Variants in SOX30 observed in about 807,000 individuals in gnomAD.
SOX30 encodes the protein SRY-box transcription factor 30, also known as transcription factor SOX-30.
A neutral mutation model predicts 58.6 loss-of-function variants in SOX30; 17 were observed. The ratio of observed to expected loss-of-function variants is 0.29; its 90% CI spans 0.20 to 0.44. The LOEUF (loss-of-function observed/expected upper bound fraction) is 0.44, where lower values mean the gene tolerates loss of function less well. SOX30 is among the 20% of genes least tolerant of loss of function. The pLI is 1.00. For synonymous variants in SOX30, 421 were observed against 400.2 expected (o/e 1.05, Z -0.62); for missense variants, 951 against 965.8 (o/e 0.98, Z 0.20).
At position 157,640,244 on chromosome 5, in the gene SOX30, G is replaced by A. The variant is rs1483397911; in HGVS notation, c.1388-1522C>T. On this transcript the variant is annotated intron_variant, in intron 3 of 4. Transcript: ENST00000265007. The stretch of plus-strand genomic sequence containing the variant: ...GAGCAGGAACTCTCAATTTCTATTC[G>A]TATCCCAGTATCTAGCCAGAACCTG... Among the ~76,000 whole-genome samples the A allele has an allele frequency of 3.3e-5, 5 of 152,106 alleles. 1 individual carries two copies. Among genetic ancestry groups the A allele is most frequent in the African/African-American group, 7.2e-5 (3 of 41,402 alleles).
intron 2 of SOX30, among the ~76,000 whole-genome samples, chr5:157,662,007 T>C (rs914646711): frequency 1.3e-5 from 2 of 152,186 alleles, no homozygotes; most frequent in African/African-American, 2.4e-5. Flanking sequence ...TCTAAAATAA[T>C]TTAATTAAAC....
At chr5:157,647,169 C>T (rs1010214528) in intron 2 of SOX30, among the ~76,000 whole-genome samples, 15 of 151,272 alleles carry the variant, frequency 9.9e-5, no homozygotes, top group African/African-American at 3.7e-4. Context: ...TCATGTGATT[C>T]TCCTGCCTCA....
chr5:157,651,372 A>T lies in SOX30; in HGVS notation c.707T>A (p.Val236Asp). The T allele has an allele frequency of 6.2e-7, 1 of 1,613,636 alleles. No individual in the cohort carries two copies. Among genetic ancestry groups the T allele is most frequent in the Non-Finnish European group, 8.5e-7 (1 of 1,180,028 alleles). The change falls in exon 1 of 5, where the codon GTT (valine) becomes GAT (aspartate). Residue 236 changes from valine (V) to aspartate (D), a missense_variant. Val to Asp is a radical substitution (Grantham distance 152, BLOSUM62 -3). Around this residue, in one of 7 missense-constraint regions of SOX30, gnomAD observed 84 missense variants for 68.2 expected, o/e 1.23. Coordinates refer to ENST00000265007, the MANE Select transcript of SOX30 (RefSeq NM_178424.2). ...LGAEPASNGL[V>D]HGSAEVILAP... The stretch of plus-strand genomic sequence containing the variant: ...CAAGATGACCTCCGCGCTGCCATGA[A>T]CCAGGCCATTGGACGCGGGCTCCGC...
upstream of SOX30, among the ~76,000 whole-genome samples, chr5:157,654,080 C>T (rs181761539): frequency 8.6e-3 from 1,302 of 151,592 alleles, 13 homozygotes; most frequent in African/African-American, 0.029. Context: ...GCAGGAGAAT[C>T]GCTTGAACCT....
chr5:157,646,415 G>A (rs1193421911), intron 3 of SOX30, among the ~76,000 whole-genome samples: 1 of 152,152 alleles, frequency 6.6e-6, no homozygotes, highest in Admixed American at 6.5e-5. Flanking sequence ...TAAAAGGTCT[G>A]AGGTTTTACA....
chr5:157,630,963 TAC>T (rs1275611587), intron 4 of SOX30, among the ~76,000 whole-genome samples: 5 of 136,398 alleles, frequency 3.7e-5, no homozygotes, highest in African/African-American at 1.1e-4. Flanking sequence ...TGTATATATA[TAC>T]ACTATATATT....
intron 3 of SOX30, among the ~76,000 whole-genome samples, chr5:157,643,457 TA>T (rs1235100799): frequency 5.9e-5 from 9 of 151,856 alleles, no homozygotes; most frequent in Non-Finnish European, 1.0e-4. Flanking sequence ...AAAATTTTTT[TA>T]AAAAACCTCA....
In SOX30 at chr5:157,651,553, C is replaced by T. The variant is rs549735716; in HGVS notation, c.526G>A (p.Gly176Ser). Reference protein sequence around the residue: ...VKLEGPGPALGYFRGDEKGKL... With the variant: ...VKLEGPGPALSYFRGDEKGKL... ...CCCTTCTCGTCCCCTCGGAAGTAGCCGAGGGCCGGCCCGGGGCCTTCCAAC... is the reference window on the plus strand; with the variant it reads ...CCCTTCTCGTCCCCTCGGAAGTAGCTGAGGGCCGGCCCGGGGCCTTCCAAC... Residue 176 changes from glycine to serine, a missense_variant, in exon 1 of 5, where the codon GGC becomes AGC. By Grantham distance (56) the Gly-to-Ser change is moderately conservative (BLOSUM62 0). Transcript: ENST00000265007. 1.2e-4 allele frequency: 187 copies of T among 1,612,716 alleles called. 1 individual carries two copies. In the East Asian group the frequency reaches 3.8e-3, roughly 33 times the overall value.
intron 3 of SOX30, among the ~76,000 whole-genome samples, chr5:157,641,569 T>C (rs1759062859): frequency 1.3e-5 from 2 of 152,068 alleles, no homozygotes; most frequent in East Asian, 1.9e-4. Flanking sequence ...GCTGAGATCA[T>C]GCCACTGCAC....
chr5:157,645,226 A>G (rs1759160488), intron 3 of SOX30, among the ~76,000 whole-genome samples: 1 of 152,208 alleles, frequency 6.6e-6, no homozygotes. Flanking sequence ...AACAACAACA[A>G]CAACACTGAA....
chr5:157,644,200 G>C (rs1281097796), intron 3 of SOX30, among the ~76,000 whole-genome samples: 2 of 152,038 alleles, frequency 1.3e-5, no homozygotes, highest in African/African-American at 4.8e-5. Flanking sequence ...TTGCTATGTT[G>C]CCCAGGCTAG....
intron 1 of SOX30, among the ~76,000 whole-genome samples, chr5:157,669,690 T>C (rs1422718621): frequency 6.6e-6 from 1 of 151,974 alleles, no homozygotes; most frequent in Non-Finnish European, 1.5e-5. Context: ...CTAATTTTTT[T>C]ATTTTTAGTA....
chr5:157,659,640 A>G (rs1385054958), intron 2 of SOX30, among the ~76,000 whole-genome samples: 2 of 152,234 alleles, frequency 1.3e-5, no homozygotes, highest in East Asian at 3.8e-4. Flanking sequence ...GCCAAGGTTA[A>G]GGACATCCCC....
chr5:157,649,010 A>C, intron 1 of SOX30, 114 bp from the exon 2 acceptor site: 1 of 1,363,048 alleles, frequency 7.3e-7, no homozygotes, highest in Admixed American at 2.3e-5. Context: ...TGGAGGAAAT[A>C]TACACTTCAA....
At chr5:157,665,901 CTTT>C (rs67520310) in intron 2 of SOX30, among the ~76,000 whole-genome samples, 1 of 130,250 alleles carries the variant, frequency 7.7e-6, no homozygotes, top group Non-Finnish European at 1.6e-5. Context: ...AGGATATTCC[CTTT>C]TTTTTTTTTT....
At chr5:157,649,960 A>T (rs568856866) in intron 1 of SOX30, among the ~76,000 whole-genome samples, 1 of 152,308 alleles carries the variant, frequency 6.6e-6, no homozygotes, top group South Asian at 2.1e-4. Context: ...TCACACCTGT[A>T]ACCTCAGTAC....
At chr5:157,667,214 T>C (rs923538234) in intron 2 of SOX30, among the ~76,000 whole-genome samples, 2 of 152,110 alleles carry the variant, frequency 1.3e-5, no homozygotes, top group Admixed American at 6.5e-5. Context: ...TCCTATGAAA[T>C]AAAGAGATGA....
intron 4 of SOX30, among the ~76,000 whole-genome samples, chr5:157,630,847 T>C (rs1202321893): frequency 7.9e-5 from 10 of 126,442 alleles, no homozygotes; most frequent in African/African-American, 3.2e-4. Context: ...ATACATTATA[T>C]ATATATTATA....
At chr5:157,653,269 C>A (rs771748434), upstream of SOX30, among the ~76,000 whole-genome samples, 8 of 152,134 alleles carry the variant, frequency 5.3e-5, no homozygotes, top group Non-Finnish European at 1.0e-4. Flanking sequence ...AAATCTTGGT[C>A]TACTTATACC....
Sources: allele counts gnomAD v4.1 joint callset (sites outside exome capture counted in the v4.1 genomes callset), GRCh38; gene constraint gnomAD v4.1.1; regional missense constraint gnomAD v4.1.1; transcripts MANE v1.5; gene names NCBI Gene and HGNC (gene_info 2026-07-23, HGNC 2026-07-21).